The following STYX variants were observed in gnomAD, a reference collection of about 807,000 sequenced individuals.
The protein encoded by STYX is serine/threonine/tyrosine-interacting protein.
A neutral mutation model predicts 42.7 loss-of-function variants in STYX; 20 were observed. The observed-to-expected ratio is 0.47, with a 90% CI of 0.33 to 0.68. The LOEUF (loss-of-function observed/expected upper bound fraction) is 0.68. Ranked by LOEUF, STYX falls within the 30% of genes least tolerant of loss-of-function variation. The pLI is 0.02. For missense variants in STYX, 226 were observed against 268.5 expected, an observed-to-expected ratio of 0.84 and a Z score of 1.11; for synonymous variants, 78 against 81.9, an observed-to-expected ratio of 0.95 and a Z score of 0.26.
chr14:52,753,242 G>A (rs1402772825), intron 4 of STYX, among the ~76,000 whole-genome samples: 2 of 151,628 alleles, frequency 1.3e-5, no homozygotes, highest in Admixed American at 6.6e-5. Context: ...TAGTAGAGAC[G>A]GGGTTTCAGC....
intron 4 of STYX, among the ~76,000 whole-genome samples, chr14:52,754,747 C>G (rs943459686): frequency 6.6e-5 from 10 of 152,030 alleles, no homozygotes; most frequent in African/African-American, 2.4e-4. Flanking sequence ...TGAAACTAAT[C>G]TTAAGAAAAA....
intron 1 of STYX, among the ~76,000 whole-genome samples, chr14:52,737,058 A>C (rs1880983075): frequency 6.6e-6 from 1 of 152,016 alleles, no homozygotes; most frequent in African/African-American, 2.4e-5. Flanking sequence ...TTTCTTCCCC[A>C]AACTGTTGCC....
At chr14:52,734,060 G>C (rs948054283) in intron 1 of STYX, among the ~76,000 whole-genome samples, 4 of 152,172 alleles carry the variant, frequency 2.6e-5, no homozygotes, top group African/African-American at 7.2e-5. Flanking sequence ...CCGCTTGGTT[G>C]TGGACAGCGA....
At chr14:52,732,091 G>GTTTTT (rs560828155) in intron 1 of STYX, among the ~76,000 whole-genome samples, 1 of 85,996 alleles carries the variant, frequency 1.2e-5, no homozygotes, top group African/African-American at 4.7e-5. Flanking sequence ...TATACTCATG[G>GTTTTT]TTTTTTTTTT....
At chr14:52,731,464 T>G (rs1880697971) in intron 1 of STYX, 1 of 114,386 alleles carries the variant, frequency 8.7e-6, no homozygotes, top group Non-Finnish European at 1.7e-5. Context: ...TGAGACGGAG[T>G]CTTGCTCTGT....
intron 1 of STYX, among the ~76,000 whole-genome samples, chr14:52,737,117 A>G (rs958694893): frequency 2.0e-5 from 3 of 152,092 alleles, no homozygotes; most frequent in Non-Finnish European, 4.4e-5. Flanking sequence ...AGTATTGTGT[A>G]TATAGGATTC....
At chr14:52,736,524 G>C (rs973542463) in intron 1 of STYX, among the ~76,000 whole-genome samples, 8 of 152,178 alleles carry the variant, frequency 5.3e-5, no homozygotes, top group African/African-American at 1.7e-4. Context: ...GACAGAAAGT[G>C]AAATATTTAT....
intron 1 of STYX, among the ~76,000 whole-genome samples, chr14:52,734,620 A>G (rs958565777): frequency 3.9e-5 from 6 of 152,226 alleles, no homozygotes; most frequent in African/African-American, 1.4e-4. Flanking sequence ...TTCATATTAT[A>G]TCACAGGGAC....
At chr14:52,748,405 GT>G (rs1474537216) in intron 3 of STYX, among the ~76,000 whole-genome samples, 1 of 152,102 alleles carries the variant, frequency 6.6e-6, no homozygotes, top group African/African-American at 2.4e-5. Context: ...AATTCTCAAA[GT>G]TTTTGTAGAG....
At position 52,731,204 on chromosome 14, in the gene STYX, C is replaced by T. The variant is rs528385436; in HGVS notation, c.57+673C>T. Among the ~76,000 whole-genome samples the T allele has an allele frequency of 2.6e-5, 4 of 152,076 alleles. No homozygotes were observed. The South Asian group carries it at 6.2e-4, about 24-fold the overall frequency. ...TACTCGGATTTTTTTTCATCTGTTG[C>T]TAGTTTAACATTTTACGGCATTGCA... On this transcript the variant is annotated intron_variant, in intron 1 of 10. Transcript: ENST00000354586.
At chr14:52,764,971 T>G (rs1250826772) in intron 9 of STYX, among the ~76,000 whole-genome samples, 1 of 152,044 alleles carries the variant, frequency 6.6e-6, no homozygotes, top group Non-Finnish European at 1.5e-5. Flanking sequence ...GCCCAGCCCT[T>G]AATCCTACAT....
intron 4 of STYX, among the ~76,000 whole-genome samples, chr14:52,751,034 C>T (rs971769614): frequency 6.6e-6 from 1 of 151,892 alleles, no homozygotes; most frequent in Non-Finnish European, 1.5e-5. Context: ...ATAATGTATA[C>T]TGAAAAATAG....
intron 1 of STYX, among the ~76,000 whole-genome samples, chr14:52,743,266 T>C (rs1395241525): frequency 6.6e-6 from 1 of 152,090 alleles, no homozygotes; most frequent in African/African-American, 2.4e-5. Flanking sequence ...AGATGTATAC[T>C]ATTTCTACCT....
At chr14:52,731,174 G>T (rs1880683724) in intron 1 of STYX, among the ~76,000 whole-genome samples, 2 of 152,122 alleles carry the variant, frequency 1.3e-5, no homozygotes, top group Non-Finnish European at 1.5e-5. Context: ...CCTGCCTGCT[G>T]TTTCTACTCG....
intron 1 of STYX, among the ~76,000 whole-genome samples, chr14:52,731,890 T>G (rs1478048256): frequency 6.6e-6 from 1 of 151,620 alleles, no homozygotes; most frequent in Non-Finnish European, 1.5e-5. Context: ...ACTCCCATGC[T>G]CAAGCCATCC....
intron 1 of STYX, among the ~76,000 whole-genome samples, chr14:52,734,063 G>A (rs143153200): frequency 1.3e-5 from 2 of 152,274 alleles, no homozygotes; most frequent in Non-Finnish European, 2.9e-5. Flanking sequence ...CTTGGTTGTG[G>A]ACAGCGACCA....
chr14:52,745,663 C>T (rs907042591), intron 2 of STYX, among the ~76,000 whole-genome samples: 1 of 152,270 alleles, frequency 6.6e-6, no homozygotes, highest in South Asian at 2.1e-4. Context: ...GATAGCTAAC[C>T]CTCATAGCAG....
chr14:52,760,842 GTAGGT>G (rs1882063685), intron 9 of STYX, among the ~76,000 whole-genome samples: 1 of 151,346 alleles, frequency 6.6e-6, no homozygotes, highest in Non-Finnish European at 1.5e-5. Context: ...TGGATACATA[GTAGGT>G]TAGGTATTTC....
At chr14:52,741,213 TA>T (rs1402134974) in intron 1 of STYX, among the ~76,000 whole-genome samples, 113 of 117,346 alleles carry the variant, frequency 9.6e-4, no homozygotes, top group African/African-American at 3.9e-3. Flanking sequence ...TATGTTTTTA[TA>T]TATATATATA....
Sources: gnomAD v4.1 joint callset for allele counts (sites outside exome capture counted in the v4.1 genomes callset) on GRCh38, gnomAD v4.1.1 for gene constraint, MANE v1.5 for transcripts, NCBI Gene and HGNC (gene_info 2026-07-23, HGNC 2026-07-21) for gene names.